ARHGEF28: variants seen among roughly 807,000 people sequenced by gnomAD.
The protein encoded by ARHGEF28 is Rho guanine nucleotide exchange factor 28, also known as 190 kDa guanine nucleotide exchange factor.
Under a neutral mutation model 206.6 loss-of-function variants are expected in ARHGEF28, and 152 were observed. The observed-to-expected ratio is 0.74, with a 90% CI of 0.64 to 0.84. ARHGEF28 has a LOEUF of 0.84. ARHGEF28 is among the 40% of genes least tolerant of loss of function. The probability of loss-of-function intolerance (pLI) is 0.00; values close to 1 mark genes in which losing one functional copy is unlikely to be tolerated. For synonymous variants in ARHGEF28, 763 were observed against 776.4 expected, an observed-to-expected ratio of 0.98 and a Z score of 0.29; for missense variants, 2,028 against 2,073.2, an observed-to-expected ratio of 0.98 and a Z score of 0.42.
chr5:73,730,607 C>T (rs72770842), intron 2 of ARHGEF28, among the ~76,000 whole-genome samples: 32,444 of 147,380 alleles, frequency 0.22, 3,761 homozygotes, highest in African/African-American at 0.25. Flanking sequence ...GATCACAGCT[C>T]GCTGCAGCCT....
chr5:73,736,080 C>G (rs143019844), intron 2 of ARHGEF28, among the ~76,000 whole-genome samples: 46 of 152,344 alleles, frequency 3.0e-4, no homozygotes, highest in Non-Finnish European at 5.4e-4. Flanking sequence ...CAGTGCCTGA[C>G]ACACATCAGG....
intron 35 of ARHGEF28, among the ~76,000 whole-genome samples, chr5:73,934,235 A>C (rs938412743): frequency 6.6e-6 from 1 of 152,168 alleles, no homozygotes; most frequent in African/African-American, 2.4e-5. Flanking sequence ...TTCTGCCCCT[A>C]TATTTCCTGT....
intron 20 of ARHGEF28, 102 bp downstream of exon 20, chr5:73,868,329 T>C: frequency 7.3e-7 from 1 of 1,372,490 alleles, no homozygotes; most frequent in East Asian, 2.5e-5. Context: ...TTTTTCTTTT[T>C]CAAAGAAGTC....
At chr5:73,628,273 A>G (rs1479669373) in intron 1 of ARHGEF28, among the ~76,000 whole-genome samples, 1 of 152,200 alleles carries the variant, frequency 6.6e-6, no homozygotes, top group Non-Finnish European at 1.5e-5. Flanking sequence ...GTAGGTATTA[A>G]AACAAATTGC....
At chr5:73,809,601 T>C (rs1424496983) in intron 9 of ARHGEF28, among the ~76,000 whole-genome samples, 1 of 152,192 alleles carries the variant, frequency 6.6e-6, no homozygotes, top group East Asian at 1.9e-4. Flanking sequence ...AATACTGTAA[T>C]TCAGATCAAA....
At chr5:73,782,524 G>A (rs370642195) in intron 7 of ARHGEF28, among the ~76,000 whole-genome samples, 150 of 152,264 alleles carry the variant, frequency 9.9e-4, no homozygotes, top group African/African-American at 3.4e-3. Context: ...GAGTCTGTGT[G>A]GCCCATCCCG....
chr5:73,674,236 C>G (rs1399871782), intron 1 of ARHGEF28, among the ~76,000 whole-genome samples: 1 of 152,158 alleles, frequency 6.6e-6, no homozygotes, highest in Non-Finnish European at 1.5e-5. Flanking sequence ...TGTTCCCAAG[C>G]CTGTATTCCT....
chr5:73,740,584 T>C (rs901470279), intron 2 of ARHGEF28, among the ~76,000 whole-genome samples: 2 of 152,196 alleles, frequency 1.3e-5, no homozygotes, highest in Non-Finnish European at 2.9e-5. Flanking sequence ...TATGTCTGCA[T>C]GATAGACCCT....
At chr5:73,754,903 A>G in intron 4 of ARHGEF28, among the ~76,000 whole-genome samples, 1 of 150,792 alleles carries the variant, frequency 6.6e-6, no homozygotes, top group East Asian at 1.9e-4. Flanking sequence ...TTATTTATTT[A>G]TTTATTTTTT....
intron 2 of ARHGEF28, among the ~76,000 whole-genome samples, chr5:73,723,885 A>G (rs1750118841): frequency 6.6e-6 from 1 of 152,218 alleles, no homozygotes; most frequent in African/African-American, 2.4e-5. Context: ...GTATTCAACT[A>G]CACCTAAATC....
At chr5:73,806,707 A>G (rs898543735) in intron 9 of ARHGEF28, among the ~76,000 whole-genome samples, 2 of 142,602 alleles carry the variant, frequency 1.4e-5, no homozygotes, top group East Asian at 2.1e-4. Context: ...ATCTATATGT[A>G]CCATATATAC....
intron 9 of ARHGEF28, among the ~76,000 whole-genome samples, chr5:73,801,364 G>A (rs565846633): frequency 6.4e-4 from 97 of 151,878 alleles, no homozygotes; most frequent in Admixed American, 3.3e-4. Context: ...GGAGAATGGC[G>A]TGAACCCGGG....
chr5:73,766,132 C>G (rs1285268106), intron 4 of ARHGEF28, among the ~76,000 whole-genome samples: 2 of 146,726 alleles, frequency 1.4e-5, no homozygotes, highest in Non-Finnish European at 3.0e-5. Context: ...CCGGCCTGGG[C>G]TAAAGAGCAG....
chr5:73,693,131 A>AT (rs367898200), intron 2 of ARHGEF28, among the ~76,000 whole-genome samples: 2 of 151,924 alleles, frequency 1.3e-5, no homozygotes, highest in African/African-American at 2.4e-5. Context: ...CATAAGAATA[A>AT]TTTTTTTTGA....
chr5:73,889,271 A>C (rs61435768), intron 26 of ARHGEF28, among the ~76,000 whole-genome samples: 8,911 of 152,310 alleles, frequency 0.059, 837 homozygotes, highest in African/African-American at 0.2. Flanking sequence ...GTCTTGCTGC[A>C]TGTTACAGAA....
At chr5:73,916,829 A>G (rs1763241303) in intron 35 of ARHGEF28, among the ~76,000 whole-genome samples, 1 of 152,190 alleles carries the variant, frequency 6.6e-6, no homozygotes, top group Non-Finnish European at 1.5e-5. Context: ...ATATATACCA[A>G]AGTTGAACTA....
intron 35 of ARHGEF28, among the ~76,000 whole-genome samples, chr5:73,928,370 C>T (rs889412402): frequency 6.6e-5 from 10 of 152,104 alleles, no homozygotes; most frequent in Non-Finnish European, 8.8e-5. Context: ...GAGCTGAGAT[C>T]GCGCCACTGC....
intron 9 of ARHGEF28, among the ~76,000 whole-genome samples, chr5:73,805,179 C>A (rs1170884281): frequency 2.0e-5 from 3 of 152,116 alleles, no homozygotes; most frequent in Non-Finnish European, 4.4e-5. Flanking sequence ...TTTTACATAT[C>A]ATCAACATTG....
At chr5:73,651,361 G>A (rs1262094100) in intron 1 of ARHGEF28, among the ~76,000 whole-genome samples, 3 of 152,218 alleles carry the variant, frequency 2.0e-5, no homozygotes, top group Non-Finnish European at 2.9e-5. Context: ...CTATGTTGAA[G>A]CAACTCCAGA....
Sources: gnomAD v4.1 joint callset for allele counts (sites outside exome capture counted in the v4.1 genomes callset) on GRCh38, gnomAD v4.1.1 for gene constraint, MANE v1.5 for transcripts, NCBI Gene and HGNC (gene_info 2026-07-23, HGNC 2026-07-21) for gene names.